Variants in CYRIA observed in about 807,000 individuals in gnomAD.
CYRIA encodes the protein CYFIP-related Rac1 interactor A.
In CYRIA, 15 loss-of-function variants were observed where a neutral mutation model predicts 43.9. That is an observed-to-expected ratio of 0.34 (90% CI 0.23 to 0.53). CYRIA has a LOEUF of 0.53. Ranked by LOEUF, CYRIA falls within the 20% of genes least tolerant of loss-of-function variation. The pLI, the probability that CYRIA is intolerant of heterozygous loss-of-function variation, is 0.94. For missense variants in CYRIA, 236 were observed against 394.2 expected, an observed-to-expected ratio of 0.60 and a Z score of 3.40; for synonymous variants, 117 against 136.0, an observed-to-expected ratio of 0.86 and a Z score of 0.97.
chr2:16,578,546 A>C (rs1667433332), intron 3 of CYRIA, among the ~76,000 whole-genome samples: 1 of 152,214 alleles, frequency 6.6e-6, no homozygotes, highest in African/African-American at 2.4e-5. Context: ...CTTTGAGACT[A>C]TTTATTAGGT....
At chr2:16,638,077 GCC>G (rs1669557551) in intron 1 of CYRIA, among the ~76,000 whole-genome samples, 2 of 152,192 alleles carry the variant, frequency 1.3e-5, no homozygotes, top group South Asian at 4.1e-4. Flanking sequence ...TTTGGAAGGA[GCC>G]ACACACCTGA....
At chr2:16,662,157 C>T (rs1670274416) in intron 1 of CYRIA, among the ~76,000 whole-genome samples, 1 of 152,048 alleles carries the variant, frequency 6.6e-6, no homozygotes. Context: ...TGAAAATTAA[C>T]CAGCAGTGCT....
intron 2 of CYRIA, among the ~76,000 whole-genome samples, chr2:16,608,758 C>G (rs1242877777): frequency 6.6e-6 from 1 of 152,214 alleles, no homozygotes; most frequent in Non-Finnish European, 1.5e-5. Flanking sequence ...CCCTGCCTTG[C>G]ATTTCAAAAA....
At position 16,577,492 on chromosome 2, in the gene CYRIA, G is replaced by T. The variant is rs111325537; in HGVS notation, c.70+10558C>A. On this transcript the variant is annotated intron_variant, in intron 3 of 11. Transcript: ENST00000381323. The stretch of plus-strand genomic sequence containing the variant: ...TTTTGACTATAAGAAAGTTGAGGTT[G>T]CAAAAGTCTTTAATGAATTATAATC... 5.0e-3 allele frequency among the ~76,000 whole-genome samples: 755 copies of T among 152,242 alleles called. 8 individuals carry two copies. The highest frequency in any genetic ancestry group is 0.016 in the African/African-American group (674 of 41,528).
chr2:16,634,126 G>A (rs1037904759), intron 1 of CYRIA, among the ~76,000 whole-genome samples: 2 of 152,176 alleles, frequency 1.3e-5, no homozygotes, highest in Non-Finnish European at 2.9e-5. Flanking sequence ...AGCTTACACT[G>A]TTGACAGCCA....
At chr2:16,571,724 G>C (rs1464407443) in intron 3 of CYRIA, among the ~76,000 whole-genome samples, 1 of 152,058 alleles carries the variant, frequency 6.6e-6, no homozygotes, top group East Asian at 1.9e-4. Context: ...TATAAACACT[G>C]AAAAAAAGTA....
At position 16,622,332 on chromosome 2, in the gene CYRIA, G is replaced by A. The variant is rs764832089; in HGVS notation, c.-11+1532C>T. ...TGGAGAGGCAATCTGGCTAAAGTCC[G>A]GGTGAGAAAAGGCTTCTATGGATGA... is the stretch of plus-strand genomic sequence containing the variant. On this transcript the variant is annotated intron_variant, in intron 2 of 11. Coordinates refer to ENST00000381323, the MANE Select transcript of CYRIA (RefSeq NM_030797.4). Among the ~76,000 whole-genome samples, 8 of 152,290 alleles carry A rather than the reference G, an allele frequency of 5.3e-5. No homozygotes were observed. In the South Asian group the frequency reaches 1.7e-3, roughly 32 times the overall value.
chr2:16,656,362 T>C (rs1670112803), intron 1 of CYRIA, among the ~76,000 whole-genome samples: 1 of 152,018 alleles, frequency 6.6e-6, no homozygotes. Flanking sequence ...ACCACACACA[T>C]CATACTTATA....
intron 3 of CYRIA, among the ~76,000 whole-genome samples, chr2:16,569,944 A>G (rs1350207484): frequency 1.3e-5 from 2 of 151,882 alleles, no homozygotes; most frequent in Admixed American, 6.6e-5. Flanking sequence ...TAAATATACT[A>G]CTCACACTGT....
At chr2:16,632,413 C>T (rs1215396766) in intron 1 of CYRIA, among the ~76,000 whole-genome samples, 2 of 152,168 alleles carry the variant, frequency 1.3e-5, no homozygotes, top group African/African-American at 2.4e-5. Flanking sequence ...TTCTAGTTTC[C>T]ACCTTACCAA....
chr2:16,615,368 T>C (rs1309218058), intron 2 of CYRIA, among the ~76,000 whole-genome samples: 7 of 152,246 alleles, frequency 4.6e-5, no homozygotes, highest in African/African-American at 1.7e-4. Context: ...CCTCTCCTAC[T>C]GGTTTAGTAT....
rs529611337 is a variant in CYRIA, at chr2:16,614,025, T to C, written c.-11+9839A>G. Among the ~76,000 whole-genome samples, 9 of 152,364 alleles carry C rather than the reference T, an allele frequency of 5.9e-5. No homozygotes were observed. In the East Asian group the frequency reaches 1.7e-3, roughly 29 times the overall value. ...TCCACTGAGGAAAACATCTGTGTTG[T>C]GGCTGAATCAACTTCACTCAAGTTA... On this transcript the variant is annotated intron_variant, in intron 2 of 11. Coordinates refer to ENST00000381323, the MANE Select transcript of CYRIA (RefSeq NM_030797.4).
At chr2:16,638,476 C>T (rs777631735) in intron 1 of CYRIA, among the ~76,000 whole-genome samples, 1 of 152,052 alleles carries the variant, frequency 6.6e-6, no homozygotes, top group Non-Finnish European at 1.5e-5. Flanking sequence ...CTAAGGGATG[C>T]TGTGAGGATG....
intron 1 of CYRIA, among the ~76,000 whole-genome samples, chr2:16,639,427 C>A (rs1477857355): frequency 1.3e-5 from 2 of 152,200 alleles, no homozygotes; most frequent in Non-Finnish European, 2.9e-5. Flanking sequence ...CACAGAAATG[C>A]CCAGTTGATT....
At chr2:16,604,486 C>T (rs1668320056) in intron 2 of CYRIA, among the ~76,000 whole-genome samples, 1 of 152,226 alleles carries the variant, frequency 6.6e-6, no homozygotes, top group African/African-American at 2.4e-5. Context: ...ATGACTCAGA[C>T]ACGCTTTCTC....
intron 3 of CYRIA, among the ~76,000 whole-genome samples, chr2:16,584,926 C>T (rs1325965042): frequency 6.6e-6 from 1 of 152,172 alleles, no homozygotes; most frequent in East Asian, 1.9e-4. Context: ...TCCTTCCTTA[C>T]TGTCATGCCA....
At chr2:16,601,652 A>G (rs1019471882) in intron 2 of CYRIA, among the ~76,000 whole-genome samples, 3 of 150,898 alleles carry the variant, frequency 2.0e-5, no homozygotes, top group African/African-American at 7.3e-5. Flanking sequence ...CTTTAAGGCT[A>G]TTCAGTGGAA....
intron 2 of CYRIA, among the ~76,000 whole-genome samples, chr2:16,592,939 T>C (rs1667979265): frequency 6.6e-6 from 1 of 152,150 alleles, no homozygotes; most frequent in East Asian, 1.9e-4. Flanking sequence ...TGAAAGAGCC[T>C]CAAGAATATA....
intron 3 of CYRIA, among the ~76,000 whole-genome samples, chr2:16,574,133 G>C (rs1396905574): frequency 6.6e-6 from 1 of 152,132 alleles, no homozygotes; most frequent in Non-Finnish European, 1.5e-5. Context: ...TGAAAAACTT[G>C]TTGGGAACTG....
Sources: gnomAD v4.1 joint callset for allele counts (sites outside exome capture counted in the v4.1 genomes callset) on GRCh38, gnomAD v4.1.1 for gene constraint, MANE v1.5 for transcripts, NCBI Gene and HGNC (gene_info 2026-07-23, HGNC 2026-07-21) for gene names.